Variants in ST8SIA2 observed in about 807,000 individuals in gnomAD.
ST8SIA2 encodes the protein ST8 alpha-N-acetyl-neuraminide alpha-2,8-sialyltransferase 2, also known as alpha-2,8-sialyltransferase 8B.
Under a neutral mutation model 37.6 loss-of-function variants are expected in ST8SIA2, and 22 were observed. That is an observed-to-expected ratio of 0.58 (90% CI 0.42 to 0.83). The LOEUF (loss-of-function observed/expected upper bound fraction) is 0.83. Among genes scored for constraint, ST8SIA2 ranks in the 40% least tolerant of loss-of-function variants. The pLI is 0.00. For synonymous variants in ST8SIA2, 205 were observed against 201.2 expected (o/e 1.02, Z -0.16); for missense variants, 382 against 484.7 (o/e 0.79, Z 1.99).
chr15:92,462,121 G>A (rs1005298330), intron 5 of ST8SIA2, among the ~76,000 whole-genome samples: 6 of 152,212 alleles, frequency 3.9e-5, no homozygotes, highest in Non-Finnish European at 8.8e-5. Context: ...GGAGGCTCCT[G>A]TCGTGCCCGG....
At chr15:92,455,260 AC>A (rs1174698234) in intron 5 of ST8SIA2, among the ~76,000 whole-genome samples, 3 of 151,966 alleles carry the variant, frequency 2.0e-5, no homozygotes, top group Non-Finnish European at 4.4e-5. Context: ...GTGAACTATC[AC>A]CTTTTTGGAA....
rs185107298 is a variant in ST8SIA2 at position 92,408,765 on chromosome 15, G to T, written c.98+14603G>T. Among the ~76,000 whole-genome samples, 447 of 151,522 alleles carry T rather than the reference G, an allele frequency of 3.0e-3. 5 individuals are homozygous for T. The highest frequency in any genetic ancestry group is 0.01 in the African/African-American group (432 of 41,268). On this transcript the variant is annotated intron_variant, in intron 1 of 5. Coordinates refer to ENST00000268164, the MANE Select transcript of ST8SIA2 (RefSeq NM_006011.4). Reference sequence around the variant, plus strand: ...CTGTCGCCCAGGCTGGAGTACAATGGCGTGATCTCAGCTCACTGCAACCTC... The same window carrying T: ...CTGTCGCCCAGGCTGGAGTACAATGTCGTGATCTCAGCTCACTGCAACCTC...
chr15:92,435,602 G>A (rs892715074), intron 3 of ST8SIA2, among the ~76,000 whole-genome samples: 5 of 152,178 alleles, frequency 3.3e-5, no homozygotes, highest in Non-Finnish European at 7.4e-5. Flanking sequence ...AAATGCCTCT[G>A]CACCCTAGTT....
Position 92,412,409 on chromosome 15 carries a change from A to G in ST8SIA2, c.99-17640A>G, listed in dbSNP as rs118081684. Among the ~76,000 whole-genome samples, 642 of 152,054 alleles carry G rather than the reference A, an allele frequency of 4.2e-3. 5 individuals are homozygous for G. Among genetic ancestry groups the G allele is most frequent in the East Asian group, 0.014 (73 of 5,152 alleles). On this transcript the variant is annotated intron_variant, in intron 1 of 5. Coordinates refer to ENST00000268164, the MANE Select transcript of ST8SIA2 (RefSeq NM_006011.4). ...GAAGGGGTGAGCAGGGCCTGGAAAC[A>G]TGGTAAATTTTAAAGGAGGGAAGAT...
In ST8SIA2 at chr15:92,438,201, C is replaced by G. The variant is rs1239644753; in HGVS notation, c.291-152C>G. 5 of 1,177,098 alleles carry G rather than the reference C, an allele frequency of 4.2e-6. No homozygotes were observed. In the East Asian group the frequency reaches 1.2e-4, roughly 28 times the overall value. 72.9% of individuals were successfully genotyped at this position (1,177,098 alleles called of 1,614,324 possible). A position where few individuals can be genotyped will look rare whatever the true frequency, so the allele number is the denominator to read the frequency against. Reference sequence around the variant, plus strand: ...CACTTCTGGCCATCCCTGGCTGGAACCTGTTCTCGAGGGCATCTGAACTCT... The same window carrying G: ...CACTTCTGGCCATCCCTGGCTGGAAGCTGTTCTCGAGGGCATCTGAACTCT... On this transcript the variant is annotated intron_variant, in intron 3 of 5. Transcript: ENST00000268164.
chr15:92,425,747 T>C (rs1359218230), intron 1 of ST8SIA2, among the ~76,000 whole-genome samples: 1 of 152,158 alleles, frequency 6.6e-6, no homozygotes, highest in African/African-American at 2.4e-5. Context: ...TTCAGCAGGT[T>C]CTGCAGGGTG....
At chr15:92,405,299 A>G (rs2049499740) in intron 1 of ST8SIA2, among the ~76,000 whole-genome samples, 1 of 152,262 alleles carries the variant, frequency 6.6e-6, no homozygotes, top group South Asian at 2.1e-4. Context: ...GACAGAAAGT[A>G]GAATGGCGGT....
At chr15:92,412,429 G>A (rs980221176) in intron 1 of ST8SIA2, among the ~76,000 whole-genome samples, 2 of 151,942 alleles carry the variant, frequency 1.3e-5, no homozygotes, top group Non-Finnish European at 2.9e-5. Flanking sequence ...TTAAAGGAGG[G>A]AAGATTGGGA....
intron 5 of ST8SIA2, among the ~76,000 whole-genome samples, chr15:92,463,330 G>A (rs1337590191): frequency 6.6e-6 from 1 of 152,232 alleles, no homozygotes; most frequent in African/African-American, 2.4e-5. Flanking sequence ...GTAGTGAGCA[G>A]TCTTTAGAAG....
At position 92,430,463 on chromosome 15, in the gene ST8SIA2, T is replaced by C. The variant is rs2049707229; in HGVS notation, c.161+352T>C. Among the ~76,000 whole-genome samples, 2 of 152,186 alleles carry C rather than the reference T, an allele frequency of 1.3e-5. 1 individual carries two copies. The highest frequency in any genetic ancestry group is 1.3e-4 in the Admixed American group (2 of 15,276). ...GAACCAGCATTTTCACTCAATTTCA[T>C]TGTGGTAAATGGCTCGTCCAGGAGG... On this transcript the variant is annotated intron_variant, in intron 2 of 5. Coordinates refer to ENST00000268164, the MANE Select transcript of ST8SIA2 (RefSeq NM_006011.4).
rs1044193244 is a variant in ST8SIA2, at chr15:92,444,973, G to A, written c.842+44G>A. On this transcript the variant is annotated intron_variant, in intron 5 of 5. Coordinates refer to ENST00000268164, the MANE Select transcript of ST8SIA2 (RefSeq NM_006011.4). ...GGCCAGTAGGACCGTCACTAAGTGT[G>A]GGAGATTCTTGGTAGGCAGTATCCC... 7 of 1,601,254 alleles carry A rather than the reference G, an allele frequency of 4.4e-6. No homozygotes were observed. In the Admixed American group the frequency reaches 5.0e-5, roughly 11 times the overall value.
chr15:92,426,951 G>A (rs531397541), intron 1 of ST8SIA2, among the ~76,000 whole-genome samples: 13 of 152,142 alleles, frequency 8.5e-5, no homozygotes, highest in South Asian at 4.1e-4. Flanking sequence ...AAAATTAGCC[G>A]GGCGTGATGG....
intron 1 of ST8SIA2, among the ~76,000 whole-genome samples, chr15:92,407,085 T>C (rs1310353871): frequency 5.9e-5 from 9 of 151,974 alleles, no homozygotes; most frequent in Admixed American, 5.2e-4. Context: ...TTCCTGAGTG[T>C]ATGCCAGGAG....
chr15:92,409,711 C>T (rs1177022737), intron 1 of ST8SIA2, among the ~76,000 whole-genome samples: 1 of 152,214 alleles, frequency 6.6e-6, no homozygotes, highest in Non-Finnish European at 1.5e-5. Flanking sequence ...CAATCTGCTC[C>T]TGATTAGGTG....
At chr15:92,452,967 A>G (rs531479024) in intron 5 of ST8SIA2, among the ~76,000 whole-genome samples, 1 of 152,144 alleles carries the variant, frequency 6.6e-6, no homozygotes, top group Non-Finnish European at 1.5e-5. Context: ...CCACGCTGAG[A>G]TTCTCTCATT....
chr15:92,462,204 A>T (rs139522645), intron 5 of ST8SIA2, among the ~76,000 whole-genome samples: 194 of 152,304 alleles, frequency 1.3e-3, no homozygotes, highest in African/African-American at 4.4e-3. Context: ...GGGGAGATTC[A>T]AGTCACCCCA....
intron 5 of ST8SIA2, among the ~76,000 whole-genome samples, chr15:92,452,346 T>A (rs200649749): frequency 2.0e-4 from 9 of 44,152 alleles, no homozygotes; most frequent in African/African-American, 4.2e-4. Flanking sequence ...ATGCACAGCG[T>A]TATGTTTGAG....
intron 5 of ST8SIA2, among the ~76,000 whole-genome samples, chr15:92,459,051 C>G (rs2049939601): frequency 1.3e-5 from 2 of 152,060 alleles, no homozygotes; most frequent in Admixed American, 1.3e-4. Flanking sequence ...GTGTGGAGGC[C>G]CAGCACACGC....
At position 92,402,849 on chromosome 15, in the gene ST8SIA2, C is replaced by CAGAG. The variant is rs58104024; in HGVS notation, c.98+8707_98+8710dup. On this transcript the variant is annotated intron_variant, in intron 1 of 5. Transcript: ENST00000268164. ...GGCATTTGTTTGACCATCTCATTAC[C>CAGAG]AGAGAGAGAGAGAGAGAGAGAGACA... 3.2e-3 allele frequency among the ~76,000 whole-genome samples: 478 copies of CAGAG among 149,582 alleles called. 1 individual carries two copies. The highest frequency in any genetic ancestry group is 5.0e-3 in the African/African-American group (205 of 40,786).
Sources: gnomAD v4.1 joint callset for allele counts (sites outside exome capture counted in the v4.1 genomes callset) on GRCh38, gnomAD v4.1.1 for gene constraint, MANE v1.5 for transcripts, NCBI Gene and HGNC (gene_info 2026-07-23, HGNC 2026-07-21) for gene names.